Variants in RANBP2 observed in about 807,000 individuals in gnomAD.
RANBP2 encodes E3 SUMO-protein ligase RanBP2.
Under a neutral mutation model 303.6 loss-of-function variants are expected in RANBP2, and 57 were observed. The ratio of observed to expected loss-of-function variants is 0.19; its 90% CI spans 0.15 to 0.23. The LOEUF (loss-of-function observed/expected upper bound fraction) is 0.23. RANBP2 is among the 10% of genes least tolerant of loss of function. The pLI is 1.00. For missense variants in RANBP2, 3,138 were observed against 3,780.8 expected (o/e 0.83, Z 4.46); for synonymous variants, 1,167 against 1,301.5 (o/e 0.90, Z 2.23).
At chr2:109,055,206 T>C in the RANBP2 span, among the ~76,000 whole-genome samples, 1 of 152,210 alleles carries the variant, frequency 6.6e-6, no homozygotes, top group Non-Finnish European at 1.5e-5. Context: ...TTTTCTGAAG[T>C]GTCTGTTCAA....
chr2:108,846,827 G>A, the RANBP2 span: 1 of 1,613,126 alleles, frequency 6.2e-7, no homozygotes, highest in Non-Finnish European at 8.5e-7. Flanking sequence ...ATTCTCCACA[G>A]CATTCTGTGG....
the RANBP2 span, among the ~76,000 whole-genome samples, chr2:109,288,680 C>T: frequency 2.0e-5 from 3 of 152,238 alleles, no homozygotes; most frequent in African/African-American, 7.2e-5. Context: ...GTTTTTTTCT[C>T]TTTGCCGGGA....
chr2:109,662,147 G>A, the RANBP2 span, among the ~76,000 whole-genome samples: 4 of 152,092 alleles, frequency 2.6e-5, no homozygotes, highest in East Asian at 1.9e-4. Context: ...ACTCCCCATC[G>A]CCTGGCAGAA....
At chr2:109,414,622 A>G in the RANBP2 span, among the ~76,000 whole-genome samples, 1 of 152,100 alleles carries the variant, frequency 6.6e-6, no homozygotes, top group African/African-American at 2.4e-5. Context: ...CTATACATAC[A>G]TGACCCCAGA....
At chr2:109,141,741 G>T in the RANBP2 span, among the ~76,000 whole-genome samples, 3 of 152,104 alleles carry the variant, frequency 2.0e-5, no homozygotes, top group Non-Finnish European at 4.4e-5. Context: ...TCTAGACCCC[G>T]GGGAACAAGT....
chr2:109,607,074 T>G, the RANBP2 span, among the ~76,000 whole-genome samples: 3 of 152,332 alleles, frequency 2.0e-5, no homozygotes, highest in Non-Finnish European at 4.4e-5. Context: ...CCTGCTCTTC[T>G]CCGCTAATCC....
At chr2:109,238,690 C>T in the RANBP2 span, among the ~76,000 whole-genome samples, 1 of 152,202 alleles carries the variant, frequency 6.6e-6, no homozygotes, top group Non-Finnish European at 1.5e-5. Flanking sequence ...GATGGCCTCA[C>T]TCCACAGAGG....
At chr2:109,066,240 C>G in the RANBP2 span, among the ~76,000 whole-genome samples, 1 of 152,068 alleles carries the variant, frequency 6.6e-6, no homozygotes, top group Non-Finnish European at 1.5e-5. Context: ...TACTGAGTAG[C>G]TAGAATTACA....
At chr2:108,992,011 G>C in the RANBP2 span, among the ~76,000 whole-genome samples, 1 of 152,094 alleles carries the variant, frequency 6.6e-6, no homozygotes, top group Non-Finnish European at 1.5e-5. Context: ...TGTTGGCCAG[G>C]CTGGTCTCGA....
At chr2:109,636,533 AG>A in the RANBP2 span, among the ~76,000 whole-genome samples, 1 of 152,308 alleles carries the variant, frequency 6.6e-6, no homozygotes, top group East Asian at 1.9e-4. Flanking sequence ...GAGCTCTTCC[AG>A]ATTAAAGGAG....
At chr2:108,900,721 C>T in the RANBP2 span, among the ~76,000 whole-genome samples, 1 of 152,092 alleles carries the variant, frequency 6.6e-6, no homozygotes, top group African/African-American at 2.4e-5. Flanking sequence ...TGGAAAAATA[C>T]ATATCATGCA....
At chr2:109,203,946 C>T in the RANBP2 span, among the ~76,000 whole-genome samples, 8 of 152,192 alleles carry the variant, frequency 5.3e-5, no homozygotes. Flanking sequence ...GGCCTCCCAG[C>T]AGAGCATCTG....
the RANBP2 span, among the ~76,000 whole-genome samples, chr2:109,111,148 A>G: frequency 1.4e-4 from 22 of 152,256 alleles, no homozygotes; most frequent in Admixed American, 3.9e-4. Flanking sequence ...AGCCCACTCT[A>G]TTTCTGGATT....
chr2:109,305,577 A>G, the RANBP2 span, among the ~76,000 whole-genome samples: 8 of 152,164 alleles, frequency 5.3e-5, no homozygotes, highest in Non-Finnish European at 8.8e-5. Flanking sequence ...CAAGCAGTAG[A>G]GAGTCTCAGC....
chr2:108,982,836 C>T, the RANBP2 span, among the ~76,000 whole-genome samples: 4 of 152,184 alleles, frequency 2.6e-5, no homozygotes, highest in Admixed American at 1.3e-4. Context: ...TGAGTGCTGG[C>T]GGGAAACTAG....
the RANBP2 span, among the ~76,000 whole-genome samples, chr2:108,830,654 A>G: frequency 6.6e-6 from 1 of 151,906 alleles, no homozygotes; most frequent in East Asian, 1.9e-4. Flanking sequence ...TAAAAAATAG[A>G]AAAACTAGCT....
chr2:109,719,728 C>T, the RANBP2 span, among the ~76,000 whole-genome samples: 21 of 151,916 alleles, frequency 1.4e-4, no homozygotes, highest in Non-Finnish European at 2.2e-4. Flanking sequence ...TTAATAAAGC[C>T]GTTAAAAAAA....
At chr2:108,964,945 G>A in the RANBP2 span, among the ~76,000 whole-genome samples, 1 of 152,210 alleles carries the variant, frequency 6.6e-6, no homozygotes, top group East Asian at 1.9e-4. Flanking sequence ...ATCCTATAAA[G>A]TTCAGCTTAA....
rs201001226 is a variant in RANBP2, at chr2:108,763,357, G to T, written c.2818G>T (p.Gly940Cys). Residue 940 changes from glycine to cysteine, a missense_variant, in exon 20 of 29, where the codon GGT becomes TGT. Physicochemically the swap from Gly to Cys is radical, Grantham distance 159. Coordinates refer to ENST00000283195, the MANE Select transcript of RANBP2 (RefSeq NM_006267.5). ...SACMFSQEMYGPPALRFESPA... is the reference protein window; with the variant it reads ...SACMFSQEMYCPPALRFESPA... ...TTGTATGTTCTCTCAGGAGATGTATGGTCCTCCTGCATTGCGTTTTGAGTC... is the reference window on the plus strand; with the variant it reads ...TTGTATGTTCTCTCAGGAGATGTATTGTCCTCCTGCATTGCGTTTTGAGTC... 659 of 1,613,780 alleles carry T rather than the reference G, an allele frequency of 4.1e-4. No homozygotes were observed. The highest frequency in any genetic ancestry group is 5.5e-4 in the Non-Finnish European group (646 of 1,179,960).
Sources: gnomAD v4.1 joint callset for allele counts (sites outside exome capture counted in the v4.1 genomes callset) on GRCh38, gnomAD v4.1.1 for gene constraint, MANE v1.5 for transcripts, NCBI Gene and HGNC (gene_info 2026-07-23, HGNC 2026-07-21) for gene names.